CDH23: variants seen among roughly 807,000 people sequenced by gnomAD.
The protein encoded by CDH23 is cadherin related 23.
CDH23 carries 189 observed loss-of-function variants against 317.1 expected under a neutral mutation model. The observed-to-expected ratio is 0.60, with a 90% CI of 0.53 to 0.67. The LOEUF (loss-of-function observed/expected upper bound fraction) is 0.67, where lower values mean the gene tolerates loss of function less well. Ranked by LOEUF, CDH23 falls within the 30% of genes least tolerant of loss-of-function variation. The pLI is 0.00. For synonymous variants in CDH23, 1,839 were observed against 1,876.8 expected, an observed-to-expected ratio of 0.98 and a Z score of 0.52; for missense variants, 4,401 against 4,592.4, an observed-to-expected ratio of 0.96 and a Z score of 1.20.
intron 14 of CDH23, among the ~76,000 whole-genome samples, chr10:71,671,663 G>A (rs1449769532): frequency 3.3e-5 from 5 of 152,072 alleles, no homozygotes; most frequent in African/African-American, 1.2e-4. Flanking sequence ...GGATAGGGCA[G>A]GATGGCAGGT....
At position 71,533,568 on chromosome 10, in the gene CDH23, CA is replaced by C. The variant is rs1564637156; in HGVS notation, c.429+22357del. 3.3e-3 allele frequency among the ~76,000 whole-genome samples: 389 copies of C among 117,714 alleles called. 6 individuals are homozygous for C. The highest frequency in any genetic ancestry group is 7.3e-3 in the African/African-American group (222 of 30,578). 77.2% of individuals were successfully genotyped at this position (117,714 alleles called of 152,430 possible). A position where few individuals can be genotyped will look rare whatever the true frequency, so the allele number is the denominator to read the frequency against. On this transcript the variant is annotated intron_variant, in intron 6 of 69. Transcript: ENST00000224721. The stretch of plus-strand genomic sequence containing the variant: ...ACACACACACACACACACACACACA[CA>C]CTGGCTGGGGCTGCAGAGGCCAGAA...
At position 71,397,515 on chromosome 10, in the gene CDH23, C is replaced by T. The variant is rs1023171548; in HGVS notation, c.-6+197C>T. On this transcript the variant is annotated intron_variant, in intron 1 of 69. Transcript: ENST00000224721. This position sits in a 1 kb window ranked among gnomAD's most constrained non-coding sequence, Gnocchi z 4.8. ...CTGGCCCTAGCCTCGCGCCCCGCTC[C>T]GAGCTCCCCGACGCGCGGCAACTTT... is the stretch of plus-strand genomic sequence containing the variant. Among the ~76,000 whole-genome samples, 1 of 151,808 alleles carries T rather than the reference C, an allele frequency of 6.6e-6. No individual in the cohort carries two copies. Among genetic ancestry groups the T allele is most frequent in the Non-Finnish European group, 1.5e-5 (1 of 67,896 alleles).
intron 17 of CDH23, among the ~76,000 whole-genome samples, chr10:71,680,799 C>A (rs72815821): frequency 3.5e-5 from 4 of 115,280 alleles, no homozygotes; most frequent in African/African-American, 1.3e-4. Context: ...AATCTACATC[C>A]CTCTGTCTTT....
intron 9 of CDH23, among the ~76,000 whole-genome samples, chr10:71,600,554 G>A (rs1860149988): frequency 7.7e-6 from 1 of 129,116 alleles, no homozygotes; most frequent in Non-Finnish European, 1.6e-5. Flanking sequence ...GTGTCACTCT[G>A]TCACCAGGCT....
At chr10:71,730,126 C>A (rs184630085) in intron 30 of CDH23, among the ~76,000 whole-genome samples, 1 of 152,156 alleles carries the variant, frequency 6.6e-6, no homozygotes, top group East Asian at 1.9e-4. Context: ...CGTGAGCCAC[C>A]GCGCCCGGCC....
intron 38 of CDH23, among the ~76,000 whole-genome samples, chr10:71,769,868 G>C (rs948751894): frequency 6.6e-6 from 1 of 152,218 alleles, no homozygotes; most frequent in Non-Finnish European, 1.5e-5. Flanking sequence ...TGAATGGACC[G>C]AATGTAAAAA....
intron 9 of CDH23, among the ~76,000 whole-genome samples, chr10:71,594,878 T>C (rs1479175913): frequency 6.6e-6 from 1 of 152,238 alleles, no homozygotes; most frequent in African/African-American, 2.4e-5. Context: ...CAATTTGTTA[T>C]GGTTCAAATT....
At chr10:71,451,121 T>C (rs1008016362) in intron 3 of CDH23, among the ~76,000 whole-genome samples, 6 of 150,360 alleles carry the variant, frequency 4.0e-5, no homozygotes, top group Non-Finnish European at 7.4e-5. Flanking sequence ...TCCCCTCCCA[T>C]CCCTTAGGGC....
chr10:71,405,101 G>A (rs1848033945), intron 1 of CDH23, among the ~76,000 whole-genome samples: 1 of 152,220 alleles, frequency 6.6e-6, no homozygotes, highest in Non-Finnish European at 1.5e-5. Flanking sequence ...GCTTTCCCTG[G>A]CTTCGGGTTA....
chr10:71,629,327 AGAG>A (rs1341767891), intron 11 of CDH23, among the ~76,000 whole-genome samples: 1 of 152,238 alleles, frequency 6.6e-6, no homozygotes, highest in Non-Finnish European at 1.5e-5. Flanking sequence ...CAGAACCATC[AGAG>A]GAGGCCTTGA....
intron 44 of CDH23, 117 bp downstream of exon 44, chr10:71,785,855 A>G: frequency 2.7e-6 from 2 of 728,246 alleles, no homozygotes; most frequent in South Asian, 3.0e-5. Context: ...CTTTGGAGTG[A>G]GCACGTGCTG....
At chr10:71,758,994 C>T (rs970255650) in intron 38 of CDH23, among the ~76,000 whole-genome samples, 5 of 151,672 alleles carry the variant, frequency 3.3e-5, no homozygotes, top group East Asian at 3.9e-4. Flanking sequence ...CTCAGCCTCC[C>T]GAGTAGCTGG....
At chr10:71,567,443 C>G (rs1047126411) in intron 7 of CDH23, among the ~76,000 whole-genome samples, 2 of 152,254 alleles carry the variant, frequency 1.3e-5, no homozygotes, top group Non-Finnish European at 2.9e-5. Flanking sequence ...CACATCATCC[C>G]TCTGTGCCAA....
At chr10:71,443,725 C>A (rs1158548517) in intron 2 of CDH23, among the ~76,000 whole-genome samples, 2 of 152,314 alleles carry the variant, frequency 1.3e-5, no homozygotes, top group East Asian at 3.9e-4. Flanking sequence ...GAAGAAATCA[C>A]CCCCTGCCCC....
intron 38 of CDH23, 25 bp downstream of exon 38, chr10:71,741,946 G>T (rs1161421513): frequency 2.1e-5 from 33 of 1,544,222 alleles, no homozygotes; most frequent in Non-Finnish European, 2.8e-5. Context: ...TGGCCACAGG[G>T]AGGAGCGGGT....
chr10:71,471,240 A>G (rs1478679480), intron 3 of CDH23, among the ~76,000 whole-genome samples: 1 of 152,094 alleles, frequency 6.6e-6, no homozygotes, highest in Admixed American at 6.5e-5. Context: ...TCCCACCACA[A>G]CACTGACGTG....
At chr10:71,716,911 A>T (rs1589366895) in intron 28 of CDH23, 1 of 152,336 alleles carries the variant, frequency 6.6e-6, no homozygotes, top group South Asian at 2.1e-4. Context: ...GAAATGTCAG[A>T]ATTTCACCAC....
chr10:71,464,669 G>C (rs1164809937), intron 3 of CDH23, among the ~76,000 whole-genome samples: 3 of 152,174 alleles, frequency 2.0e-5, no homozygotes, highest in Non-Finnish European at 2.9e-5. Context: ...GGGGGCTGGT[G>C]GGAGTGGGAG....
intron 14 of CDH23, among the ~76,000 whole-genome samples, chr10:71,648,437 G>T (rs962275489): frequency 1.3e-5 from 2 of 152,230 alleles, no homozygotes; most frequent in Non-Finnish European, 2.9e-5. Flanking sequence ...ACGTGGCAAA[G>T]AATTCTAGTG....
Sources: allele counts gnomAD v4.1 joint callset (sites outside exome capture counted in the v4.1 genomes callset), GRCh38; gene constraint gnomAD v4.1.1; non-coding constraint Gnocchi (gnomAD v3.1); transcripts MANE v1.5; gene names NCBI Gene and HGNC (gene_info 2026-07-23, HGNC 2026-07-21).